The following SARNP variants were observed in gnomAD, a reference collection of about 807,000 sequenced individuals.
SARNP encodes SAP domain containing ribonucleoprotein, also known as SAP domain-containing ribonucleoprotein.
A neutral mutation model predicts 38.1 loss-of-function variants in SARNP; 5 were observed. The observed-to-expected ratio is 0.13, with a 90% CI of 0.07 to 0.28. SARNP has a LOEUF of 0.28. Ranked by LOEUF, SARNP falls within the 10% of genes least tolerant of loss-of-function variation. SARNP has a pLI of 1.00. For synonymous variants in SARNP, 84 were observed against 80.6 expected (o/e 1.04, Z -0.23); for missense variants, 180 against 243.9 (o/e 0.74, Z 1.75).
At position 55,789,125 on chromosome 12, in the gene SARNP, T is replaced by C. The variant is rs1490803041; in HGVS notation, c.451A>G (p.Lys151Glu). ...AAACCAAATCTTTGAGCTCTTTCCT[T>C]CAGCTTATCCAAGTTAACCTATAAA... The part of the protein sequence containing the change: ...NKPMVNLDKL[K>E]ERAQRFGLNV... Residue 151 changes from lysine (K) to glutamate (E), a missense_variant, in exon 9 of 11, where the codon AAG becomes GAG. Physicochemically the swap from Lys to Glu is moderately conservative, Grantham distance 56 (BLOSUM62 1). Around this residue, in one of 2 missense-constraint regions of SARNP, gnomAD observed 161 missense variants for 194.1 expected, o/e 0.83. Coordinates refer to ENST00000336133, the MANE Select transcript of SARNP (RefSeq NM_033082.4). The C allele has an allele frequency of 3.7e-6, 6 of 1,601,412 alleles. No homozygotes were observed. Among genetic ancestry groups the C allele is most frequent in the Non-Finnish European group, 5.1e-6 (6 of 1,175,810 alleles).
intron 7 of SARNP, among the ~76,000 whole-genome samples, chr12:55,792,084 CTG>C (rs1879687262): frequency 6.6e-6 from 1 of 152,090 alleles, no homozygotes; most frequent in Admixed American, 6.6e-5. Flanking sequence ...TAGTGAAACC[CTG>C]TCTCTTAAAA....
chr12:55,781,168 C>A (rs187394700), intron 9 of SARNP, among the ~76,000 whole-genome samples: 20 of 152,310 alleles, frequency 1.3e-4, no homozygotes, highest in Admixed American at 3.3e-4. Flanking sequence ...CAGTTAGCTA[C>A]AATGAAATCT....
chr12:55,777,705 T>G (rs372776743), intron 9 of SARNP, among the ~76,000 whole-genome samples: 33 of 152,260 alleles, frequency 2.2e-4, no homozygotes, highest in East Asian at 2.1e-3. Context: ...TCAACTTATA[T>G]GTCTAACGTC....
intron 4 of SARNP, among the ~76,000 whole-genome samples, chr12:55,798,275 T>C (rs993813169): frequency 3.9e-5 from 6 of 152,146 alleles, no homozygotes; most frequent in Admixed American, 6.5e-5. Flanking sequence ...GGCAGGTGGA[T>C]CGCTTTGAGC....
chr12:55,816,800 C>T (rs1880502089), intron 1 of SARNP, among the ~76,000 whole-genome samples: 1 of 151,738 alleles, frequency 6.6e-6, no homozygotes, highest in Admixed American at 6.6e-5. Context: ...TTTTATATAT[C>T]TAAGTGTGAA....
intron 5 of SARNP, among the ~76,000 whole-genome samples, chr12:55,795,392 G>A (rs545203256): frequency 6.6e-6 from 1 of 152,014 alleles, no homozygotes; most frequent in Non-Finnish European, 1.5e-5. Context: ...AACAAAAAAA[G>A]ACTATTACTA....
At chr12:55,802,168 A>C (rs1879998474) in intron 2 of SARNP, among the ~76,000 whole-genome samples, 1 of 152,134 alleles carries the variant, frequency 6.6e-6, no homozygotes, top group African/African-American at 2.4e-5. Flanking sequence ...CTTATGTACT[A>C]GTAATGAGAC....
At position 55,805,480 on chromosome 12, in the gene SARNP, G is replaced by A. The variant is rs543714929; in HGVS notation, c.37-1752C>T. On this transcript the variant is annotated intron_variant, in intron 1 of 10. Coordinates refer to ENST00000336133, the MANE Select transcript of SARNP (RefSeq NM_033082.4). ...TTATCCCAGCACTCTGGGAGGCCAA[G>A]GCGGGCAGATCATCTGAGGTCAGGA... 4.5e-4 allele frequency among the ~76,000 whole-genome samples: 68 copies of A among 152,350 alleles called. 1 individual carries two copies. Among genetic ancestry groups the A allele is most frequent in the African/African-American group, 1.6e-3 (65 of 41,590 alleles).
chr12:55,753,793 AAAG>A (rs1878414852), downstream of SARNP: 1 of 151,102 alleles, frequency 6.6e-6, no homozygotes, highest in Non-Finnish European at 1.5e-5. Flanking sequence ...AAAAAAAAAA[AAAG>A]GAAAGCAGGA....
At chr12:55,776,869 G>A (rs191554919) in intron 9 of SARNP, among the ~76,000 whole-genome samples, 4 of 152,288 alleles carry the variant, frequency 2.6e-5, no homozygotes, top group Admixed American at 2.6e-4. Context: ...GAACCAGGCT[G>A]GCAAAAACAA....
At chr12:55,811,916 T>G (rs1880339272) in intron 1 of SARNP, among the ~76,000 whole-genome samples, 1 of 152,222 alleles carries the variant, frequency 6.6e-6, no homozygotes, top group African/African-American at 2.4e-5. Context: ...ACTCTAGTCT[T>G]TCTTTCATAC....
chr12:55,766,634 T>C (rs1234141399), intron 9 of SARNP, among the ~76,000 whole-genome samples: 8 of 19,300 alleles, frequency 4.1e-4, no homozygotes, highest in Admixed American at 8.3e-4. Flanking sequence ...GGGGGGGGGT[T>C]GTTTTTTTGA....
Position 55,757,411 on chromosome 12 carries a change from C to T in SARNP, c.*101G>A. The T allele has an allele frequency of 1.1e-6, 1 of 936,382 alleles. No individual in the cohort carries two copies. The highest frequency in any genetic ancestry group is 2.8e-5 in the East Asian group (1 of 36,050). 58.0% of individuals were successfully genotyped at this position (936,382 alleles called of 1,614,324 possible). A position where few individuals can be genotyped will look rare whatever the true frequency, so the allele number is the denominator to read the frequency against. On this transcript the variant is annotated 3_prime_UTR_variant, in exon 11 of 11. Transcript: ENST00000336133. Reference sequence around the variant, plus strand: ...GGGTACATGCTCCCTCATTGCGAGGCAGGACGTAGGCACATGACTGTGCAT... The same window carrying T: ...GGGTACATGCTCCCTCATTGCGAGGTAGGACGTAGGCACATGACTGTGCAT...
intron 8 of SARNP, 32 bp from the exon 9 acceptor site, chr12:55,789,175 TA>T: frequency 6.7e-7 from 1 of 1,486,334 alleles, no homozygotes; most frequent in Non-Finnish European, 9.2e-7. Context: ...AACATAGTTT[TA>T]AAAAATCAAA....
intron 9 of SARNP, among the ~76,000 whole-genome samples, chr12:55,777,279 T>C (rs1339091788): frequency 1.3e-5 from 2 of 152,144 alleles, no homozygotes; most frequent in African/African-American, 4.8e-5. Context: ...AAATACCTAG[T>C]TTACAGTAAA....
intron 10 of SARNP, 101 bp from the exon 11 acceptor site, chr12:55,757,654 C>T (rs1366427392): frequency 1.1e-5 from 9 of 837,188 alleles, no homozygotes; most frequent in African/African-American, 1.7e-5. Flanking sequence ...TCACAAGGCC[C>T]GAGAAGGAAG....
At chr12:55,800,930 C>T in intron 2 of SARNP, 30 bp from the exon 3 acceptor site, 2 of 1,583,670 alleles carry the variant, frequency 1.3e-6, no homozygotes. Flanking sequence ...TCAGGTCAAG[C>T]CCTGCTACAA....
chr12:55,779,202 T>C (rs1169710443), intron 9 of SARNP, among the ~76,000 whole-genome samples: 4 of 152,276 alleles, frequency 2.6e-5, no homozygotes, highest in East Asian at 3.9e-4. Flanking sequence ...GAAAAGAACA[T>C]AGTTATTCAA....
chr12:55,786,242 A>G (rs897807146), intron 9 of SARNP, among the ~76,000 whole-genome samples: 1 of 152,226 alleles, frequency 6.6e-6, no homozygotes, highest in Non-Finnish European at 1.5e-5. Flanking sequence ...TGAGCTATGT[A>G]GTAAGAGATA....
Sources: gnomAD v4.1 joint callset for allele counts (sites outside exome capture counted in the v4.1 genomes callset) on GRCh38, gnomAD v4.1.1 for gene constraint, gnomAD v4.1.1 regional missense constraint, MANE v1.5 for transcripts, NCBI Gene and HGNC (gene_info 2026-07-23, HGNC 2026-07-21) for gene names.